The following PDE1A variants were observed in gnomAD, a reference collection of about 807,000 sequenced individuals.
The protein encoded by PDE1A is dual specificity calcium/calmodulin-dependent 3',5'-cyclic nucleotide phosphodiesterase 1A.
PDE1A carries 35 observed loss-of-function variants against 61.7 expected under a neutral mutation model. The ratio of observed to expected loss-of-function variants is 0.57; its 90% CI spans 0.43 to 0.75. The LOEUF (loss-of-function observed/expected upper bound fraction) is 0.75, where lower values mean the gene tolerates loss of function less well. Ranked by LOEUF, PDE1A falls within the 30% of genes least tolerant of loss-of-function variation. The pLI, the probability that PDE1A is intolerant of heterozygous loss-of-function variation, is 0.00. For synonymous variants in PDE1A, 232 were observed against 213.2 expected, an observed-to-expected ratio of 1.09 and a Z score of -0.77; for missense variants, 597 against 630.6, an observed-to-expected ratio of 0.95 and a Z score of 0.57.
chr2:182,524,200 A>G (rs556060682), upstream of PDE1A, among the ~76,000 whole-genome samples: 1 of 152,296 alleles, frequency 6.6e-6, no homozygotes, highest in African/African-American at 2.4e-5. Flanking sequence ...CTGTTACCTG[A>G]TATTTCTTTA....
chr2:182,475,587 AG>A (rs1687303314), intron 2 of PDE1A, among the ~76,000 whole-genome samples: 2 of 151,868 alleles, frequency 1.3e-5, no homozygotes, highest in Non-Finnish European at 2.9e-5. Context: ...CTAGGGTTAT[AG>A]TTTTTGTGAC....
intron 2 of PDE1A, among the ~76,000 whole-genome samples, chr2:182,503,692 T>TG (rs1689231205): frequency 6.6e-6 from 1 of 152,198 alleles, no homozygotes; most frequent in African/African-American, 2.4e-5. Flanking sequence ...AGCTCTTTCC[T>TG]GACCACTCTG....
intron 7 of PDE1A, among the ~76,000 whole-genome samples, chr2:182,219,165 G>A (rs958451570): frequency 6.6e-6 from 1 of 151,984 alleles, no homozygotes; most frequent in Admixed American, 6.6e-5. Context: ...AGATAGAAAA[G>A]TCGTTTTTAA....
chr2:182,419,492 C>T (rs1415860651), intron 1 of PDE1A, among the ~76,000 whole-genome samples: 2 of 152,042 alleles, frequency 1.3e-5, no homozygotes, highest in Non-Finnish European at 2.9e-5. Context: ...TGTGCCACCA[C>T]ATCCGGCTAA....
chr2:182,602,625 AC>A, the PDE1A span, among the ~76,000 whole-genome samples: 1 of 152,186 alleles, frequency 6.6e-6, no homozygotes, highest in Admixed American at 6.5e-5. Context: ...ATACAATCTT[AC>A]GTTTTTGGTC....
intron 2 of PDE1A, among the ~76,000 whole-genome samples, chr2:182,470,928 T>C (rs984238953): frequency 9.9e-5 from 15 of 151,874 alleles, no homozygotes; most frequent in African/African-American, 3.4e-4. Flanking sequence ...TTGTTTTTCA[T>C]GAATTACCTT....
downstream of PDE1A, among the ~76,000 whole-genome samples, chr2:182,165,778 A>G (rs1691624062): frequency 2.6e-5 from 4 of 152,200 alleles, no homozygotes; most frequent in African/African-American, 9.6e-5. Flanking sequence ...TGTAATTTTT[A>G]TAAGTATTTC....
At chr2:182,489,964 G>A (rs1688275985) in intron 2 of PDE1A, among the ~76,000 whole-genome samples, 1 of 152,092 alleles carries the variant, frequency 6.6e-6, no homozygotes, top group African/African-American at 2.4e-5. Flanking sequence ...TTCAGCACTG[G>A]GACATTCCAA....
At chr2:182,317,545 A>G (rs1696417217) in intron 1 of PDE1A, among the ~76,000 whole-genome samples, 1 of 152,130 alleles carries the variant, frequency 6.6e-6, no homozygotes, top group South Asian at 2.1e-4. Flanking sequence ...GCAACAAGGA[A>G]AAGCAGAGGC....
intron 1 of PDE1A, among the ~76,000 whole-genome samples, chr2:182,289,086 C>T (rs529982284): frequency 7.9e-5 from 12 of 151,996 alleles, no homozygotes; most frequent in African/African-American, 2.9e-4. Context: ...TTCCCTGGAC[C>T]TTTAGAATCT....
intron 2 of PDE1A, among the ~76,000 whole-genome samples, chr2:182,446,560 A>G (rs1444364466): frequency 6.6e-6 from 1 of 152,094 alleles, no homozygotes; most frequent in East Asian, 1.9e-4. Flanking sequence ...ACAGATATCT[A>G]TTTGCTTTGA....
At chr2:182,153,850 T>C (rs956174618) in intron 13 of PDE1A, among the ~76,000 whole-genome samples, 2 of 152,160 alleles carry the variant, frequency 1.3e-5, no homozygotes, top group African/African-American at 2.4e-5. Flanking sequence ...TTGGAGATAC[T>C]GAAGGGTAGG....
At chr2:182,571,210 T>C in the PDE1A span, among the ~76,000 whole-genome samples, 8 of 152,224 alleles carry the variant, frequency 5.3e-5, no homozygotes, top group African/African-American at 1.9e-4. Context: ...CTGAAATTTT[T>C]AGTTTGCAAT....
intron 2 of PDE1A, among the ~76,000 whole-genome samples, chr2:182,509,622 A>T (rs779197109): frequency 3.9e-5 from 6 of 152,186 alleles, no homozygotes; most frequent in Non-Finnish European, 7.4e-5. Flanking sequence ...CTCATCCGAA[A>T]GACTGGAGAT....
At chr2:182,592,336 C>G in the PDE1A span, among the ~76,000 whole-genome samples, 1 of 152,186 alleles carries the variant, frequency 6.6e-6, no homozygotes, top group Non-Finnish European at 1.5e-5. Context: ...CATGCACAAG[C>G]ATATTCATTA....
chr2:182,355,655 A>G (rs1265534234), intron 1 of PDE1A, among the ~76,000 whole-genome samples: 3 of 152,076 alleles, frequency 2.0e-5, no homozygotes, highest in Non-Finnish European at 4.4e-5. Context: ...ATTGAATTCT[A>G]ATTTTCTAAA....
At chr2:182,467,095 A>T (rs1310467406) in intron 2 of PDE1A, among the ~76,000 whole-genome samples, 1 of 151,812 alleles carries the variant, frequency 6.6e-6, no homozygotes, top group African/African-American at 2.4e-5. Context: ...AGGAAAAGAA[A>T]AGATGGAAAG....
intron 2 of PDE1A, among the ~76,000 whole-genome samples, chr2:182,484,736 AC>A (rs1266774952): frequency 5.3e-5 from 8 of 151,986 alleles, no homozygotes; most frequent in African/African-American, 1.9e-4. Flanking sequence ...AAGAAGACAT[AC>A]ATGCAGCCAA....
At chr2:182,564,941 G>T in the PDE1A span, among the ~76,000 whole-genome samples, 1 of 152,078 alleles carries the variant, frequency 6.6e-6, no homozygotes. Flanking sequence ...GGTTATTCTA[G>T]TTATACATTC....
Sources: allele counts gnomAD v4.1 joint callset (sites outside exome capture counted in the v4.1 genomes callset), GRCh38; gene constraint gnomAD v4.1.1; transcripts MANE v1.5; gene names NCBI Gene and HGNC (gene_info 2026-07-23, HGNC 2026-07-21).